The following NEBL variants were observed in gnomAD, a reference collection of about 807,000 sequenced individuals.
NEBL encodes the protein LIM and SH3 protein 2.
A neutral mutation model predicts 140.2 loss-of-function variants in NEBL; 122 were observed. That is an observed-to-expected ratio of 0.87 (90% confidence interval 0.75 to 1.01). NEBL has a LOEUF of 1.01. Ranked by LOEUF, NEBL falls within the 50% of genes least tolerant of loss-of-function variation. The probability of loss-of-function intolerance (pLI) is 0.00; values close to 1 mark genes in which losing one functional copy is unlikely to be tolerated. For synonymous variants in NEBL, 436 were observed against 398.9 expected, an observed-to-expected ratio of 1.09 and a Z score of -1.11; for missense variants, 1,365 against 1,231.3, an observed-to-expected ratio of 1.11 and a Z score of -1.62.
At chr10:21,036,579 C>A (rs1338990178) in intron 2 of NEBL, among the ~76,000 whole-genome samples, 2 of 152,126 alleles carry the variant, frequency 1.3e-5, no homozygotes, top group African/African-American at 4.8e-5. Flanking sequence ...CCAATGATAT[C>A]AGACAGATAG....
chr10:20,957,070 C>A (rs1835840702), intron 4 of NEBL, among the ~76,000 whole-genome samples: 2 of 152,154 alleles, frequency 1.3e-5, no homozygotes, highest in Admixed American at 1.3e-4. Flanking sequence ...GAGACCAAAT[C>A]CCTAGATAAT....
intron 3 of NEBL, among the ~76,000 whole-genome samples, chr10:21,185,787 T>G (rs560531819): frequency 6.6e-6 from 1 of 152,196 alleles, no homozygotes; most frequent in African/African-American, 2.4e-5. Context: ...CGTGACCCAC[T>G]GCGCCCTACC....
chr10:21,058,729 T>G (rs1292594782), intron 2 of NEBL, among the ~76,000 whole-genome samples: 1 of 152,244 alleles, frequency 6.6e-6, no homozygotes, highest in Non-Finnish European at 1.5e-5. Flanking sequence ...TCAAGGGAAC[T>G]TAAAGACATT....
intron 16 of NEBL, 175 bp downstream of exon 16, chr10:20,831,021 T>A: frequency 1.5e-6 from 1 of 646,272 alleles, no homozygotes; most frequent in Non-Finnish European, 2.8e-6. Flanking sequence ...AATCTATGAC[T>A]GTTGTCCTAT....
intron 2 of NEBL, among the ~76,000 whole-genome samples, chr10:21,142,258 T>C (rs1839665325): frequency 1.3e-5 from 2 of 152,056 alleles, no homozygotes; most frequent in African/African-American, 4.8e-5. Flanking sequence ...AGCCTAGAAA[T>C]ATTTATGACT....
upstream of NEBL, among the ~76,000 whole-genome samples, chr10:20,900,231 G>T (rs1166340789): frequency 6.6e-6 from 1 of 152,176 alleles, no homozygotes; most frequent in African/African-American, 2.4e-5. Context: ...CGCATGCCTT[G>T]ATACAGAATG....
chr10:21,027,234 C>G (rs140407263), intron 2 of NEBL, among the ~76,000 whole-genome samples: 1 of 151,866 alleles, frequency 6.6e-6, no homozygotes, highest in Non-Finnish European at 1.5e-5. Context: ...CAGCACAGGC[C>G]CCTTTGTGCG....
intron 3 of NEBL, among the ~76,000 whole-genome samples, chr10:20,969,336 C>A (rs1419531031): frequency 1.3e-5 from 2 of 151,594 alleles, no homozygotes; most frequent in Non-Finnish European, 2.9e-5. Flanking sequence ...CATTAAAAAT[C>A]ATGTCCATAG....
chr10:20,818,152 T>C (rs1838927597), intron 20 of NEBL, among the ~76,000 whole-genome samples: 1 of 152,154 alleles, frequency 6.6e-6, no homozygotes, highest in Non-Finnish European at 1.5e-5. Context: ...GGATAAACAG[T>C]GTTGAGCCTC....
At chr10:21,184,675 G>T (rs1037824333) in intron 3 of NEBL, among the ~76,000 whole-genome samples, 1 of 152,186 alleles carries the variant, frequency 6.6e-6, no homozygotes, top group Non-Finnish European at 1.5e-5. Context: ...AAACAGAGAT[G>T]TCATGTTGGA....
At chr10:21,206,535 A>G (rs1043894677) in intron 3 of NEBL, among the ~76,000 whole-genome samples, 1 of 152,302 alleles carries the variant, frequency 6.6e-6, no homozygotes, top group African/African-American at 2.4e-5. Context: ...ACCCTCCCTT[A>G]CTGTAACTGT....
intron 3 of NEBL, among the ~76,000 whole-genome samples, chr10:20,962,296 T>C (rs1030152416): frequency 3.9e-5 from 6 of 152,234 alleles, no homozygotes; most frequent in African/African-American, 1.4e-4. Flanking sequence ...AATTGACAGC[T>C]AGCCCTGTCC....
At chr10:20,952,672 AGGTGGGC>A (rs917584446) in intron 4 of NEBL, among the ~76,000 whole-genome samples, 11 of 151,962 alleles carry the variant, frequency 7.2e-5, no homozygotes, top group African/African-American at 2.7e-4. Context: ...TGGGAAGACG[AGGTGGGC>A]GGATCACTTG....
At chr10:21,269,716 T>C (rs1046192771) in intron 1 of NEBL, among the ~76,000 whole-genome samples, 1 of 152,188 alleles carries the variant, frequency 6.6e-6, no homozygotes, top group African/African-American at 2.4e-5. Flanking sequence ...GAATCTGTTG[T>C]TTATGGAGAT....
chr10:20,801,190 T>C (rs1837088778), intron 26 of NEBL, among the ~76,000 whole-genome samples: 1 of 151,888 alleles, frequency 6.6e-6, no homozygotes, highest in East Asian at 1.9e-4. Context: ...TCTCTCTCTT[T>C]AAATTTTATT....
chr10:21,074,581 G>T (rs915623451), intron 2 of NEBL, among the ~76,000 whole-genome samples: 1 of 150,776 alleles, frequency 6.6e-6, no homozygotes, highest in Non-Finnish European at 1.5e-5. Context: ...GGGTTCAAGC[G>T]ATTCTCCTGC....
chr10:20,808,711 AAATC>A (rs1564342332), intron 25 of NEBL, 52 bp from the exon 26 acceptor site: 1 of 1,542,584 alleles, frequency 6.5e-7, no homozygotes, highest in Admixed American at 1.7e-5. Flanking sequence ...TCGAAAAACA[AAATC>A]AACAAAAAAT....
intron 5 of NEBL, among the ~76,000 whole-genome samples, chr10:20,872,026 A>AG (rs1321676318): frequency 2.0e-5 from 3 of 152,166 alleles, no homozygotes; most frequent in Non-Finnish European, 4.4e-5. Context: ...TGAAAACCGC[A>AG]GGGGGGAAAT....
chr10:21,275,425 A>T (rs959703901), intron 1 of NEBL, among the ~76,000 whole-genome samples: 5 of 152,168 alleles, frequency 3.3e-5, no homozygotes, highest in African/African-American at 1.2e-4. Flanking sequence ...ATGACTCCAA[A>T]ATAGGGGTCT....
Sources: gnomAD v4.1 joint callset for allele counts (sites outside exome capture counted in the v4.1 genomes callset) on GRCh38, gnomAD v4.1.1 for gene constraint, MANE v1.5 for transcripts, NCBI Gene and HGNC (gene_info 2026-07-23, HGNC 2026-07-21) for gene names.